The following ZBTB44 variants were observed in gnomAD, a reference collection of about 807,000 sequenced individuals.
The protein encoded by ZBTB44 is zinc finger and BTB domain containing 44.
Under a neutral mutation model 54.0 loss-of-function variants are expected in ZBTB44, and 15 were observed. That is an observed-to-expected ratio of 0.28 (90% CI 0.19 to 0.43). ZBTB44 has a LOEUF of 0.43. Among genes scored for constraint, ZBTB44 ranks in the 20% least tolerant of loss-of-function variants. The probability of loss-of-function intolerance (pLI) is 1.00; values close to 1 mark genes in which losing one functional copy is unlikely to be tolerated. For synonymous variants in ZBTB44, 230 were observed against 250.1 expected, an observed-to-expected ratio of 0.92 and a Z score of 0.76; for missense variants, 487 against 707.1, an observed-to-expected ratio of 0.69 and a Z score of 3.53.
intron 1 of ZBTB44, among the ~76,000 whole-genome samples, chr11:130,307,575 A>G (rs1393277898): frequency 6.6e-6 from 1 of 152,156 alleles, no homozygotes; most frequent in Non-Finnish European, 1.5e-5. Flanking sequence ...TCCCGCACCT[A>G]TGAGAAAGGA....
chr11:130,237,063 C>T lies in ZBTB44; in HGVS notation c.1298G>A (p.Gly433Glu). ...CGAGTAAGCCCTGGTGAACTTTTTC[C>T]CACAGCGGTCACACTGAAATGGTTT... ...GIKPFQCDRC[G>E]KKFTRAYSLK... Residue 433 changes from glycine to glutamate, a missense_variant, in exon 5 of 8, where the codon GGG (glycine) becomes GAG (glutamate). By Grantham distance (98) the Gly-to-Glu change is moderately conservative. Coordinates refer to ENST00000357899, the MANE Select transcript of ZBTB44 (RefSeq NM_001301098.2). The T allele has an allele frequency of 6.3e-7, 1 of 1,592,792 alleles. No homozygotes were observed. Among genetic ancestry groups the T allele is most frequent in the Non-Finnish European group, 8.5e-7 (1 of 1,170,060 alleles).
intron 1 of ZBTB44, among the ~76,000 whole-genome samples, chr11:130,283,969 CAAAAAAAAAAAAAAAAA>C (rs71061377): frequency 2.2e-5 from 1 of 45,174 alleles, no homozygotes; most frequent in African/African-American, 1.1e-4. Context: ...GACTCCATCT[CAAAAAAAAAAAAAAAAA>C]AAAAAAAAAA....
At chr11:130,279,128 C>T (rs980234939) in intron 1 of ZBTB44, among the ~76,000 whole-genome samples, 6 of 151,796 alleles carry the variant, frequency 4.0e-5, no homozygotes, top group African/African-American at 9.7e-5. Context: ...AGTGACTAGC[C>T]GAATTATTTT....
At chr11:130,312,736 A>C (rs1156689759) in intron 1 of ZBTB44, among the ~76,000 whole-genome samples, 1 of 149,586 alleles carries the variant, frequency 6.7e-6, no homozygotes, top group Non-Finnish European at 1.5e-5. Context: ...CAATGCATGA[A>C]TCTTGACTGA....
intron 2 of ZBTB44, 102 bp downstream of exon 2, chr11:130,260,754 A>G (rs1389284062): frequency 2.3e-6 from 3 of 1,303,486 alleles, no homozygotes; most frequent in Admixed American, 2.8e-5. Context: ...ACTCTTCTTT[A>G]TATTTCCTAT....
rs11322495 is a variant in ZBTB44, at chr11:130,294,538, CAAAAAAAAAAAAAA to C, written c.-57+19823_-57+19836del. ...GGATTTACACAAAGGTCTATATGAC[CAAAAAAAAAAAAAA>C]AAAAAAAAAAAAAAAAATCTTCAAT... is the stretch of plus-strand genomic sequence containing the variant. On this transcript the variant is annotated intron_variant, in intron 1 of 7. Coordinates refer to ENST00000357899, the MANE Select transcript of ZBTB44 (RefSeq NM_001301098.2). Among the ~76,000 whole-genome samples the C allele has an allele frequency of 2.9e-4, 14 of 48,656 alleles. No individual in the cohort carries two copies. In the East Asian group the frequency reaches 3.5e-3, roughly 12 times the overall value. 31.9% of individuals were successfully genotyped at this position (48,656 alleles called of 152,430 possible). A position where few individuals can be genotyped will look rare whatever the true frequency, so the allele number is the denominator to read the frequency against.
intron 1 of ZBTB44, among the ~76,000 whole-genome samples, chr11:130,299,463 G>C (rs760861992): frequency 6.6e-6 from 1 of 151,438 alleles, no homozygotes; most frequent in Non-Finnish European, 1.5e-5. Context: ...TGGGGCAGGA[G>C]AATCACTTGA....
intron 7 of ZBTB44, chr11:130,232,082 G>C (rs1420107277): frequency 1.3e-5 from 2 of 152,162 alleles, no homozygotes; most frequent in African/African-American, 4.8e-5. Context: ...GGCAGACACA[G>C]AGAATCTTAA....
intron 2 of ZBTB44, among the ~76,000 whole-genome samples, chr11:130,255,919 A>AAAAAAC (rs1555167098): frequency 7.6e-6 from 1 of 131,396 alleles, no homozygotes. Flanking sequence ...AAAAAAAAAA[A>AAAAAAC]AACACCCCTT....
At chr11:130,260,148 C>T (rs1441624491) in intron 2 of ZBTB44, among the ~76,000 whole-genome samples, 1 of 152,234 alleles carries the variant, frequency 6.6e-6, no homozygotes, top group Non-Finnish European at 1.5e-5. Flanking sequence ...AGCCTGCGCT[C>T]AACCACTCCT....
At position 130,289,386 on chromosome 11, in the gene ZBTB44, G is replaced by A. The variant is rs141808812; in HGVS notation, c.-57+24989C>T. 4.9e-3 allele frequency among the ~76,000 whole-genome samples: 740 copies of A among 152,004 alleles called. 6 individuals are homozygous for A. The highest frequency in any genetic ancestry group is 0.017 in the African/African-American group (720 of 41,428). On this transcript the variant is annotated intron_variant, in intron 1 of 7. Transcript: ENST00000357899. ...TAATCCCAGCTACTCAAGAGGCTGA[G>A]GCAGGAGAATTGCTTGAACTCGGAG... is the stretch of plus-strand genomic sequence containing the variant.
chr11:130,296,638 C>A, intron 1 of ZBTB44: 8 of 910,082 alleles, frequency 8.8e-6, no homozygotes, highest in Non-Finnish European at 1.1e-5. Flanking sequence ...CCATTTTGGG[C>A]CCAGAATAAT....
intron 2 of ZBTB44, among the ~76,000 whole-genome samples, chr11:130,246,984 T>C (rs1238736351): frequency 6.6e-6 from 1 of 152,188 alleles, no homozygotes; most frequent in African/African-American, 2.4e-5. Flanking sequence ...TTAGTCTGCA[T>C]TCCTAGATAG....
intron 5 of ZBTB44, 141 bp downstream of exon 5, chr11:130,236,652 G>A (rs1222885716): frequency 2.4e-6 from 2 of 840,464 alleles, no homozygotes; most frequent in South Asian, 4.3e-5. Flanking sequence ...CAGGAGATTA[G>A]AGTATGAACA....
rs1565347936 is a variant in ZBTB44, at chr11:130,314,839, C to T, written c.-521G>A. Among the ~76,000 whole-genome samples the T allele has an allele frequency of 8.6e-3, 1 of 116 alleles. No individual in the cohort carries two copies. The highest frequency in any genetic ancestry group is 0.17 in the East Asian group (1 of 6). 0.1% of individuals were successfully genotyped at this position (116 alleles called of 152,430 possible). The stretch of plus-strand genomic sequence containing the variant: ...AGGTTGGGAGGGAGCCGCCGCCGCG[C>T]GCGTGCGGCCGGCGCCGCCGCCGTT... On this transcript the variant is annotated 5_prime_UTR_variant, in exon 1 of 8. Transcript: ENST00000357899.
chr11:130,290,915 T>C (rs17139289), intron 1 of ZBTB44, among the ~76,000 whole-genome samples: 6,227 of 152,246 alleles, frequency 0.041, 312 homozygotes, highest in African/African-American at 0.12. Context: ...CTCTCTATTA[T>C]GCTTTTAGAT....
In ZBTB44 at chr11:130,230,628, A is replaced by G. The variant is rs1953845235; in HGVS notation, c.*1136T>C. 6.6e-6 allele frequency: 1 copy of G among 151,884 alleles called. No individual in the cohort carries two copies. Among genetic ancestry groups the G allele is most frequent in the Non-Finnish European group, 1.5e-5 (1 of 67,878 alleles). 9.4% of individuals were successfully genotyped at this position (151,884 alleles called of 1,614,324 possible). ...AATGCGTAACTAATTACTTGAAATA[A>G]AAAGATTACTTGAAATTCAAATTAA... is the stretch of plus-strand genomic sequence containing the variant. On this transcript the variant is annotated 3_prime_UTR_variant, in exon 8 of 8. Transcript: ENST00000357899.
rs777454153 is a variant in ZBTB44, at chr11:130,239,860, G to A, written c.1055C>T (p.Thr352Ile). 9.3e-6 allele frequency: 15 copies of A among 1,612,224 alleles called. No individual in the cohort carries two copies. In the African/African-American group the frequency reaches 1.5e-4, roughly 16 times the overall value. ...VDEGVSEGLP[T>I]LQSTSSTNAP... is the part of the protein sequence containing the mutation. ...ATTAGTGCTAGACGTGCTTTGAAGT[G>A]TAGGCAAGCCCTCAGAAACGCCTTC... Residue 352 changes from threonine (T) to isoleucine (I), a missense_variant, in exon 3 of 8, where the codon ACA (threonine) becomes ATA (isoleucine). By Grantham distance (89) the Thr-to-Ile change is moderately conservative. Around this residue, in one of 3 missense-constraint regions of ZBTB44, gnomAD observed 277 missense variants for 306.5 expected, o/e 0.90. Coordinates refer to ENST00000357899, the MANE Select transcript of ZBTB44 (RefSeq NM_001301098.2).
At chr11:130,279,882 G>A (rs921623720) in intron 1 of ZBTB44, among the ~76,000 whole-genome samples, 1 of 152,170 alleles carries the variant, frequency 6.6e-6, no homozygotes, top group African/African-American at 2.4e-5. Flanking sequence ...ATTCAGAAGA[G>A]ATTAAGAACT....
Sources: allele counts gnomAD v4.1 joint callset (sites outside exome capture counted in the v4.1 genomes callset), GRCh38; gene constraint gnomAD v4.1.1; regional missense constraint gnomAD v4.1.1; transcripts MANE v1.5; gene names NCBI Gene and HGNC (gene_info 2026-07-23, HGNC 2026-07-21).